The following PTBP3 variants were observed in gnomAD, a reference collection of about 807,000 sequenced individuals.
PTBP3 encodes polypyrimidine tract binding protein 3, also known as polypyrimidine tract-binding protein 3.
PTBP3 carries 20 observed loss-of-function variants against 58.7 expected under a neutral mutation model. The ratio of observed to expected loss-of-function variants is 0.34; its 90% CI spans 0.24 to 0.50. PTBP3 has a LOEUF of 0.50. Ranked by LOEUF, PTBP3 falls within the 20% of genes least tolerant of loss-of-function variation. The pLI is 0.98. For missense variants in PTBP3, 509 were observed against 637.2 expected (o/e 0.80, Z 2.17); for synonymous variants, 185 against 219.8 (o/e 0.84, Z 1.40).
At chr9:112,244,286 T>C (rs1359749538) in intron 7 of PTBP3, among the ~76,000 whole-genome samples, 1 of 6,402 alleles carries the variant, frequency 1.6e-4, no homozygotes, top group Non-Finnish European at 2.6e-4. Context: ...TGAGACTCTG[T>C]CTCAAAAAAA....
At chr9:112,307,155 T>A (rs377421197) in intron 1 of PTBP3, among the ~76,000 whole-genome samples, 155 of 152,292 alleles carry the variant, frequency 1.0e-3, no homozygotes, top group African/African-American at 3.4e-3. Context: ...CAAGAACAAT[T>A]AAAATATAAG....
intron 1 of PTBP3, among the ~76,000 whole-genome samples, chr9:112,313,969 G>C (rs1829595986): frequency 6.6e-6 from 1 of 152,168 alleles, no homozygotes; most frequent in Admixed American, 6.5e-5. Context: ...AGCAAAAGTT[G>C]AATTTGCCAT....
chr9:112,327,036 G>T (rs896233899), intron 1 of PTBP3, among the ~76,000 whole-genome samples: 1 of 151,802 alleles, frequency 6.6e-6, no homozygotes, highest in Admixed American at 6.6e-5. Flanking sequence ...TGGACAACAT[G>T]GTGAGGCCTT....
chr9:112,221,741 T>C lies in PTBP3; in HGVS notation c.*2110A>G, dbSNP rs1039061999. ...AAAAGTCTTAACTTAGTATCCCTCCTTTCTATTCTACCAACTAAGTGTTGC... is the reference window on the plus strand; with the variant it reads ...AAAAGTCTTAACTTAGTATCCCTCCCTTCTATTCTACCAACTAAGTGTTGC... On this transcript the variant is annotated 3_prime_UTR_variant, in exon 14 of 14. Transcript: ENST00000374257. 2.6e-5 allele frequency: 26 copies of C among 985,122 alleles called. No homozygotes were observed. Among genetic ancestry groups the C allele is most frequent in the Non-Finnish European group, 3.1e-5 (26 of 829,764 alleles). The allele number at this position is 985,122 out of a possible 1,614,324, so 61.0% of individuals were successfully genotyped here. A position where few individuals can be genotyped will look rare whatever the true frequency, so the allele number is the denominator to read the frequency against.
chr9:112,259,222 G>A (rs567437911), intron 5 of PTBP3, among the ~76,000 whole-genome samples: 27 of 152,158 alleles, frequency 1.8e-4, no homozygotes, highest in Admixed American at 3.9e-4. Context: ...CAAAGTGCTG[G>A]GATTACAGGC....
At chr9:112,358,512 T>C in the PTBP3 span, among the ~76,000 whole-genome samples, 1 of 152,238 alleles carries the variant, frequency 6.6e-6, no homozygotes, top group African/African-American at 2.4e-5. Flanking sequence ...GGGTATTAAG[T>C]GTGTATATCC....
chr9:112,231,228 C>T (rs943620), intron 10 of PTBP3, 152 bp downstream of exon 10: 251,409 of 518,258 alleles, frequency 0.49, 64,765 homozygotes, highest in African/African-American at 0.79. Context: ...TAAATCATCA[C>T]TGTAATTACT....
At chr9:112,231,620 A>G (rs1020418870) in intron 9 of PTBP3, among the ~76,000 whole-genome samples, 1 of 151,998 alleles carries the variant, frequency 6.6e-6, no homozygotes, top group Non-Finnish European at 1.5e-5. Context: ...AGAAGCTACC[A>G]TGGCTAGGCA....
Position 112,250,869 on chromosome 9 carries a change from A to AATAT in PTBP3, c.802+59_802+60insATAT, listed in dbSNP as rs1836083948. 4 of 1,411,640 alleles carry AATAT rather than the reference A, an allele frequency of 2.8e-6. No individual in the cohort carries two copies. In the Admixed American group the frequency reaches 1.0e-4, roughly 37 times the overall value. 87.4% of individuals were successfully genotyped at this position (1,411,640 alleles called of 1,614,324 possible). On this transcript the variant is annotated intron_variant, in intron 7 of 13. Coordinates refer to ENST00000374257, the MANE Select transcript of PTBP3 (RefSeq NM_001163788.4). ...AAAGGCTTATAAACATACATGGCTT[A>AATAT]ATAAATGAAACTTGTAACTTCAGAA...
intron 5 of PTBP3, among the ~76,000 whole-genome samples, chr9:112,255,026 T>C (rs916387207): frequency 3.9e-5 from 6 of 152,268 alleles, no homozygotes; most frequent in African/African-American, 1.2e-4. Context: ...CAACTGAATA[T>C]TACTCAGCCT....
Position 112,222,905 on chromosome 9 carries a change from C to A in PTBP3, c.*946G>T. On this transcript the variant is annotated 3_prime_UTR_variant, in exon 14 of 14. Transcript: ENST00000374257. ...AATTTTTTTCTAAAAGAAGACCTTA[C>A]CAAAAATAACTTTTAAAAAATCTGT... 4 of 878,722 alleles carry A rather than the reference C, an allele frequency of 4.6e-6. No individual in the cohort carries two copies. The highest frequency in any genetic ancestry group is 5.5e-6 in the Non-Finnish European group (4 of 732,676). 54.4% of individuals were successfully genotyped at this position (878,722 alleles called of 1,614,324 possible).
chr9:112,310,500 TATTC>T (rs1161926801), intron 1 of PTBP3, among the ~76,000 whole-genome samples: 3 of 152,204 alleles, frequency 2.0e-5, no homozygotes, highest in African/African-American at 7.2e-5. Flanking sequence ...TTAGCAATAA[TATTC>T]ATTCATTCAA....
chr9:112,355,397 T>C, the PTBP3 span, among the ~76,000 whole-genome samples: 1 of 152,166 alleles, frequency 6.6e-6, no homozygotes, highest in Admixed American at 6.5e-5. Context: ...AGACTGAGTA[T>C]CATTTAAGAG....
intron 10 of PTBP3, 120 bp from the exon 11 acceptor site, chr9:112,228,592 C>T (rs7026917): frequency 0.48 from 281,164 of 588,986 alleles, 70,960 homozygotes; most frequent in African/African-American, 0.78. Flanking sequence ...ATACATACAC[C>T]TGCAAATTTT....
At chr9:112,228,579 T>G in intron 10 of PTBP3, 107 bp from the exon 11 acceptor site, 1 of 670,114 alleles carries the variant, frequency 1.5e-6, no homozygotes, top group Non-Finnish European at 2.4e-6. Context: ...CCTTGGCAAT[T>G]CCATACATAC....
chr9:112,262,979 A>C (rs1486558092), intron 4 of PTBP3, among the ~76,000 whole-genome samples: 1 of 152,216 alleles, frequency 6.6e-6, no homozygotes, highest in African/African-American at 2.4e-5. Context: ...CAAACTTCTA[A>C]ATATTCTCCA....
chr9:112,372,703 C>T, the PTBP3 span, among the ~76,000 whole-genome samples: 1,885 of 152,184 alleles, frequency 0.012, 48 homozygotes, highest in African/African-American at 0.044. Flanking sequence ...CTTAGCACAA[C>T]GTTTTTGAGG....
At chr9:112,375,757 C>A in the PTBP3 span, among the ~76,000 whole-genome samples, 1,591 of 152,286 alleles carry the variant, frequency 0.01, 65 homozygotes, top group East Asian at 0.082. Context: ...GCACGACCCA[C>A]TTTATGGCTA....
chr9:112,335,455 T>A (rs1327567439), upstream of PTBP3, among the ~76,000 whole-genome samples: 4 of 151,698 alleles, frequency 2.6e-5, no homozygotes, highest in East Asian at 5.8e-4. Flanking sequence ...CTGGCTAGTT[T>A]TTGTGTTTTT....
Sources: gnomAD v4.1 joint callset for allele counts (sites outside exome capture counted in the v4.1 genomes callset) on GRCh38, gnomAD v4.1.1 for gene constraint, MANE v1.5 for transcripts, NCBI Gene and HGNC (gene_info 2026-07-23, HGNC 2026-07-21) for gene names.